Variants in MGAM observed in about 807,000 individuals in gnomAD.
MGAM encodes alpha-1,4-glucosidase.
Under a neutral mutation model 358.8 loss-of-function variants are expected in MGAM, and 253 were observed. The ratio of observed to expected loss-of-function variants is 0.71; its 90% CI spans 0.64 to 0.78. The LOEUF (loss-of-function observed/expected upper bound fraction) is 0.78, where lower values mean the gene tolerates loss of function less well. MGAM is among the 30% of genes least tolerant of loss of function. The pLI is 0.00. For missense variants in MGAM, 3,080 were observed against 3,432.6 expected (o/e 0.90, Z 2.57); for synonymous variants, 1,105 against 1,227.1 (o/e 0.90, Z 2.08).
intron 21 of MGAM, among the ~76,000 whole-genome samples, chr7:142,045,498 TTATATATTACATATAC>T (rs1810119379): frequency 9.1e-6 from 1 of 110,182 alleles, no homozygotes; most frequent in South Asian, 2.7e-4. Flanking sequence ...ATATATGATA[TTATATATTACATATAC>T]ATATAATATA....
chr7:142,105,051 C>T (rs372437831), intron 70 of MGAM, among the ~76,000 whole-genome samples: 2 of 152,196 alleles, frequency 1.3e-5, no homozygotes, highest in East Asian at 1.9e-4. Flanking sequence ...TGCTGACCAG[C>T]TCAGGGACAG....
chr7:142,021,880 A>G (rs1214130544), intron 6 of MGAM, 143 bp downstream of exon 6: 1 of 845,446 alleles, frequency 1.2e-6, no homozygotes, highest in Non-Finnish European at 1.9e-6. Flanking sequence ...TCTAAAGTAT[A>G]CATTTTTTTC....
At chr7:142,090,784 C>G (rs1210171401) in intron 57 of MGAM, among the ~76,000 whole-genome samples, 1 of 146,402 alleles carries the variant, frequency 6.8e-6, no homozygotes, top group African/African-American at 2.4e-5. Context: ...CCATAATGTT[C>G]CGTAACAAGC....
intron 20 of MGAM, 47 bp from the exon 21 acceptor site, chr7:142,040,675 G>A (rs1808432292): frequency 6.2e-7 from 1 of 1,604,290 alleles, no homozygotes. Context: ...TCAGTGAAGG[G>A]CAATATGCTG....
rs1336863637 is a variant in MGAM, at chr7:142,082,057, CCTTGG to C, written c.6022_6026del (p.Gly2008HisfsTer4). 1.3e-6 allele frequency: 2 copies of C among 1,555,434 alleles called. No individual in the cohort carries two copies. Among genetic ancestry groups the C allele is most frequent in the African/African-American group, 2.7e-5 (2 of 74,482 alleles). ...TGTGTTTCAGTTGGGACTCTCAGCTCCTTGGCTTCACCTTCAATGACATGTTTATC... is the reference window on the plus strand; with the variant it reads ...TGTGTTTCAGTTGGGACTCTCAGCTCCTTCACCTTCAATGACATGTTTATC... On this transcript the variant is annotated frameshift_variant, in exon 51 of 71. Transcript: ENST00000475668. LOFTEE classifies it high-confidence loss of function.
intron 2 of MGAM, among the ~76,000 whole-genome samples, chr7:141,990,177 T>A (rs1554446979): frequency 1.3e-5 from 2 of 152,212 alleles, no homozygotes. Context: ...AATGCACTAT[T>A]ACCCCAGTGG....
chr7:142,024,988 C>A, intron 7 of MGAM, 62 bp from the exon 8 acceptor site: 1 of 1,208,738 alleles, frequency 8.3e-7, no homozygotes, highest in Non-Finnish European at 1.2e-6. Context: ...CTAAACCAAC[C>A]CCACAGTGTG....
At chr7:142,062,796 C>A in intron 35 of MGAM, 94 bp downstream of exon 35, 1 of 1,558,946 alleles carries the variant, frequency 6.4e-7, no homozygotes, top group South Asian at 1.2e-5. Flanking sequence ...AGAGGATAGT[C>A]ATTGTCCAAA....
At chr7:142,010,332 C>A (rs1554454008) in intron 3 of MGAM, among the ~76,000 whole-genome samples, 1 of 152,098 alleles carries the variant, frequency 6.6e-6, no homozygotes, top group East Asian at 1.9e-4. Flanking sequence ...CCTATCATAT[C>A]AGCTGAACTC....
At chr7:142,062,110 G>A (rs547253577) in intron 34 of MGAM, among the ~76,000 whole-genome samples, 2 of 152,184 alleles carry the variant, frequency 1.3e-5, no homozygotes, top group Non-Finnish European at 2.9e-5. Context: ...CTAATATCCA[G>A]AAATGTAATC....
chr7:142,054,721 A>G (rs1020609445), intron 26 of MGAM, 33 bp from the exon 27 acceptor site: 2 of 1,611,760 alleles, frequency 1.2e-6, no homozygotes, highest in Non-Finnish European at 1.7e-6. Flanking sequence ...CAAGAGTAGT[A>G]TTGTTGCCTA....
At position 142,021,084 on chromosome 7, in the gene MGAM, G is replaced by C. The variant is rs138090433; in HGVS notation, c.558+1G>C. The C allele has an allele frequency of 6.3e-7, 1 of 1,578,894 alleles. No homozygotes were observed. Among genetic ancestry groups the C allele is most frequent in the Non-Finnish European group, 8.6e-7 (1 of 1,162,922 alleles). On this transcript the variant is annotated splice_donor_variant, in intron 5 of 70. Transcript: ENST00000475668. LOFTEE classifies it high-confidence loss of function. ...GACATCTAATCGTTTCCACTTTAAGGTTGTAATTTGTTTATTTTTTTTTAA... is the reference window on the plus strand; with the variant it reads ...GACATCTAATCGTTTCCACTTTAAGCTTGTAATTTGTTTATTTTTTTTTAA...
chr7:142,086,572 T>C lies in MGAM; in HGVS notation c.6748-83T>C, dbSNP rs566107668. The C allele has an allele frequency of 1.3e-5, 10 of 764,560 alleles. 1 individual carries two copies. Among genetic ancestry groups the C allele is most frequent in the Non-Finnish European group, 1.6e-5 (8 of 505,714 alleles). The allele number at this position is 764,560 out of a possible 1,614,324, so 47.4% of individuals were successfully genotyped here. On this transcript the variant is annotated intron_variant, in intron 56 of 70. Transcript: ENST00000475668. ...AATCAAAGTATTGCTCCTAGGAACA[T>C]GGTTTATATAATAATTTCTTTGGAA...
chr7:142,042,958 T>C (rs1468675418), intron 21 of MGAM, among the ~76,000 whole-genome samples: 1 of 59,100 alleles, frequency 1.7e-5, no homozygotes, highest in African/African-American at 6.5e-5. Flanking sequence ...TATATATACA[T>C]ATAATATCTA....
intron 6 of MGAM, among the ~76,000 whole-genome samples, chr7:142,022,014 A>T (rs1554459034): frequency 6.6e-6 from 1 of 151,892 alleles, no homozygotes; most frequent in Non-Finnish European, 1.5e-5. Flanking sequence ...AACATCTCCT[A>T]TCGTAAGTAT....
chr7:142,090,055 G>A (rs1270597230), intron 57 of MGAM, among the ~76,000 whole-genome samples: 1 of 145,908 alleles, frequency 6.9e-6, no homozygotes, highest in Non-Finnish European at 1.5e-5. Context: ...CATGCAATGT[G>A]CCACAAAAAG....
rs1342253497 is a variant in MGAM, at chr7:142,064,513, C to T, written c.4475C>T (p.Pro1492Leu). ...HNLYGWSQTR[P>L]TYEAVQEVTG... ...CTGTATGGGTGGTCCCAGACCAGAC[C>T]CACATACGAGTGAGTCTCCGTCTCC... Residue 1492 changes from proline to leucine, a missense_variant, in exon 37 of 71, where the codon CCC (proline) becomes CTC (leucine). Around this residue, in one of 5 missense-constraint regions of MGAM, gnomAD observed 134 missense variants for 198.4 expected, o/e 0.68. Coordinates refer to ENST00000475668, the MANE Select transcript of MGAM (RefSeq NM_001365693.1). The T allele has an allele frequency of 6.4e-7, 1 of 1,574,264 alleles. No individual in the cohort carries two copies.
rs775155121 is a variant in MGAM, at chr7:142,066,623, T to C, written c.4821T>C (p.Asn1607=). 1.7e-5 allele frequency: 27 copies of C among 1,555,580 alleles called. 2 individuals are homozygous for C. The East Asian group carries it at 6.1e-4, about 35-fold the overall frequency. ...CTGCTTTTGTGAATATTTCCAGAAA[T>C]GTCCTGCAGACCAGATACACCCTGT... ...WDAAFVNISR[N]VLQTRYTLLP... is the part of the protein sequence containing the mutation. Residue 1607 remains asparagine, a synonymous_variant, in exon 41 of 71, where the codon AAT becomes AAC. Coordinates refer to ENST00000475668, the MANE Select transcript of MGAM (RefSeq NM_001365693.1).
chr7:142,026,858 C>T (rs1484803107), intron 8 of MGAM, among the ~76,000 whole-genome samples: 2 of 152,106 alleles, frequency 1.3e-5, no homozygotes, highest in Non-Finnish European at 2.9e-5. Context: ...TTCCCCAGAA[C>T]CTGGGGCCTG....
Sources: allele counts gnomAD v4.1 joint callset (sites outside exome capture counted in the v4.1 genomes callset), GRCh38; gene constraint gnomAD v4.1.1; regional missense constraint gnomAD v4.1.1; transcripts MANE v1.5; gene names NCBI Gene and HGNC (gene_info 2026-07-23, HGNC 2026-07-21).